The following PID1 variants were observed in gnomAD, a reference collection of about 807,000 sequenced individuals.
PID1 encodes PTB-containing, cubilin and LRP1-interacting protein.
Under a neutral mutation model 19.1 loss-of-function variants are expected in PID1, and 10 were observed. That is an observed-to-expected ratio of 0.52 (90% CI 0.32 to 0.89). PID1 has a LOEUF of 0.89. Among genes scored for constraint, PID1 ranks in the 40% least tolerant of loss-of-function variants. The pLI, the probability that PID1 is intolerant of heterozygous loss-of-function variation, is 0.03. For synonymous variants in PID1, 130 were observed against 116.0 expected (o/e 1.12, Z -0.78); for missense variants, 248 against 285.3 (o/e 0.87, Z 0.94).
At chr2:229,180,682 C>T (rs982642666) in intron 1 of PID1, among the ~76,000 whole-genome samples, 1 of 152,222 alleles carries the variant, frequency 6.6e-6, no homozygotes, top group Non-Finnish European at 1.5e-5. Flanking sequence ...TCTGAGATTA[C>T]ATCTGAGCCT....
At chr2:229,072,477 C>T (rs984990582) in intron 2 of PID1, among the ~76,000 whole-genome samples, 3 of 152,030 alleles carry the variant, frequency 2.0e-5, no homozygotes, top group African/African-American at 7.2e-5. Flanking sequence ...AGTCCCAGCT[C>T]CTCAGGAGGC....
At position 229,225,661 on chromosome 2, in the gene PID1, T is replaced by A. The variant is rs968988368; in HGVS notation, c.30+45353A>T. Among the ~76,000 whole-genome samples the A allele has an allele frequency of 3.9e-5, 6 of 152,190 alleles. No individual in the cohort carries two copies. The South Asian group carries it at 1.2e-3, about 32-fold the overall frequency. ...TAAAGACATACATGGGACTGGGTAA[T>A]TTATAAAGGAAAGAGGATTAATTGA... On this transcript the variant is annotated intron_variant, in intron 1 of 2. Coordinates refer to ENST00000392055, the MANE Select transcript of PID1 (RefSeq NM_001100818.2).
chr2:229,058,519 C>T (rs1011822383), intron 2 of PID1, among the ~76,000 whole-genome samples: 5 of 152,184 alleles, frequency 3.3e-5, no homozygotes, highest in Admixed American at 1.3e-4. Flanking sequence ...ATATGACAGC[C>T]GCCCCTGCTG....
intron 1 of PID1, among the ~76,000 whole-genome samples, chr2:229,185,717 A>G (rs1287267155): frequency 1.3e-5 from 2 of 152,176 alleles, no homozygotes; most frequent in Non-Finnish European, 2.9e-5. Flanking sequence ...GACTGCCCCC[A>G]TGATTCAATT....
At chr2:229,259,278 C>T (rs1690393666) in intron 1 of PID1, among the ~76,000 whole-genome samples, 1 of 152,118 alleles carries the variant, frequency 6.6e-6, no homozygotes, top group Non-Finnish European at 1.5e-5. Context: ...TTAATATATA[C>T]ATGAGATGCA....
At chr2:229,041,601 A>G (rs572647148) in intron 2 of PID1, among the ~76,000 whole-genome samples, 18 of 152,292 alleles carry the variant, frequency 1.2e-4, no homozygotes, top group African/African-American at 3.6e-4. Context: ...TAAACATCTG[A>G]TGAGAAATTG....
chr2:229,135,369 G>A (rs913881617), intron 2 of PID1, among the ~76,000 whole-genome samples: 5 of 152,156 alleles, frequency 3.3e-5, no homozygotes, highest in Non-Finnish European at 5.9e-5. Flanking sequence ...AAAGTATTAT[G>A]CTAAGTGAAA....
chr2:229,079,768 A>C (rs1174035964), intron 2 of PID1, among the ~76,000 whole-genome samples: 1 of 152,214 alleles, frequency 6.6e-6, no homozygotes, highest in East Asian at 1.9e-4. Flanking sequence ...TCCAAAGTTA[A>C]AAGAGCAGAG....
intron 1 of PID1, among the ~76,000 whole-genome samples, chr2:229,198,660 C>T (rs1691428465): frequency 6.6e-6 from 1 of 152,016 alleles, no homozygotes; most frequent in African/African-American, 2.4e-5. Flanking sequence ...CTATTTGTTT[C>T]AGCTAAAATT....
intron 1 of PID1, among the ~76,000 whole-genome samples, chr2:229,251,026 C>CA (rs1690136936): frequency 6.6e-6 from 1 of 152,272 alleles, no homozygotes; most frequent in African/African-American, 2.4e-5. Flanking sequence ...ATCCAAATCA[C>CA]AGTCAGTGCA....
chr2:229,033,102 C>T (rs1343788237), intron 2 of PID1, among the ~76,000 whole-genome samples: 1 of 152,170 alleles, frequency 6.6e-6, no homozygotes, highest in African/African-American at 2.4e-5. Flanking sequence ...CCATTTGTTT[C>T]CCCTGGTGGC....
At chr2:229,166,147 T>A (rs1690592729) in intron 1 of PID1, among the ~76,000 whole-genome samples, 1 of 152,176 alleles carries the variant, frequency 6.6e-6, no homozygotes, top group Non-Finnish European at 1.5e-5. Flanking sequence ...TGAAAAGGAA[T>A]AAACTACAGA....
intron 1 of PID1, among the ~76,000 whole-genome samples, chr2:229,252,072 A>C (rs1329420321): frequency 6.6e-6 from 1 of 152,078 alleles, no homozygotes; most frequent in East Asian, 1.9e-4. Flanking sequence ...CCAGCCCACC[A>C]AGAGCTTACA....
chr2:229,188,898 T>C (rs1691195133), intron 1 of PID1, among the ~76,000 whole-genome samples: 1 of 152,220 alleles, frequency 6.6e-6, no homozygotes, highest in South Asian at 2.1e-4. Flanking sequence ...TAAGCATCTT[T>C]TTAAATATCT....
intron 1 of PID1, among the ~76,000 whole-genome samples, chr2:229,190,318 C>T (rs1179567855): frequency 6.6e-6 from 1 of 152,180 alleles, no homozygotes. Flanking sequence ...CTGTATTATG[C>T]AAATGATAGA....
intron 2 of PID1, among the ~76,000 whole-genome samples, chr2:229,033,187 G>C (rs1029674687): frequency 2.2e-4 from 33 of 152,166 alleles, no homozygotes; most frequent in African/African-American, 7.2e-4. Context: ...TGGAGAGTGG[G>C]ATCAAAAGGG....
intron 2 of PID1, among the ~76,000 whole-genome samples, chr2:229,105,709 A>T (rs1346706282): frequency 6.6e-6 from 1 of 152,224 alleles, no homozygotes; most frequent in African/African-American, 2.4e-5. Context: ...CTACTATCCC[A>T]GTTACAGATG....
intron 1 of PID1, among the ~76,000 whole-genome samples, chr2:229,231,674 A>G (rs1692212121): frequency 6.6e-6 from 1 of 152,126 alleles, no homozygotes; most frequent in Non-Finnish European, 1.5e-5. Context: ...GAGCTACTTC[A>G]GAAGAACAGA....
intron 2 of PID1, among the ~76,000 whole-genome samples, chr2:229,134,882 A>G (rs1689827973): frequency 6.6e-6 from 1 of 152,132 alleles, no homozygotes; most frequent in South Asian, 2.1e-4. Context: ...GTTAATGTAT[A>G]TTACTTTTAC....
Sources: gnomAD v4.1 joint callset for allele counts (sites outside exome capture counted in the v4.1 genomes callset) on GRCh38, gnomAD v4.1.1 for gene constraint, MANE v1.5 for transcripts, NCBI Gene and HGNC (gene_info 2026-07-23, HGNC 2026-07-21) for gene names.